PTPRN2: variants seen among roughly 807,000 people sequenced by gnomAD.
PTPRN2 encodes the protein receptor-type tyrosine-protein phosphatase N2.
Under a neutral mutation model 118.8 loss-of-function variants are expected in PTPRN2, and 74 were observed. The observed-to-expected ratio is 0.62, with a 90% confidence interval of 0.52 to 0.76. The LOEUF (loss-of-function observed/expected upper bound fraction) is 0.76, where lower values mean the gene tolerates loss of function less well. Ranked by LOEUF, PTPRN2 falls within the 30% of genes least tolerant of loss-of-function variation. PTPRN2 has a pLI of 0.00. For missense variants in PTPRN2, 1,481 were observed against 1,394.4 expected (o/e 1.06, Z -0.99); for synonymous variants, 641 against 608.0 (o/e 1.05, Z -0.80).
At chr7:158,180,427 C>G (rs1824601046) in intron 5 of PTPRN2, among the ~76,000 whole-genome samples, 1 of 152,040 alleles carries the variant, frequency 6.6e-6, no homozygotes, top group Admixed American at 6.6e-5. Context: ...CAGATCTGTT[C>G]TTTTTGTTTA....
At chr7:158,024,545 T>A (rs1807127643) in intron 11 of PTPRN2, among the ~76,000 whole-genome samples, 1 of 152,226 alleles carries the variant, frequency 6.6e-6, no homozygotes, top group African/African-American at 2.4e-5. Context: ...GGACACTCGC[T>A]GCCCACGTCC....
At chr7:158,249,867 C>T (rs770946746) in intron 3 of PTPRN2, among the ~76,000 whole-genome samples, 10 of 152,218 alleles carry the variant, frequency 6.6e-5, no homozygotes, top group Admixed American at 2.6e-4. Context: ...CAAGACGCCA[C>T]GTCCCTCCCC....
chr7:158,418,366 G>A (rs1394395740), intron 2 of PTPRN2, among the ~76,000 whole-genome samples: 6 of 147,112 alleles, frequency 4.1e-5, no homozygotes, highest in East Asian at 2.1e-4. Context: ...GTTAAGTCAT[G>A]GTGAACTACA....
intron 2 of PTPRN2, among the ~76,000 whole-genome samples, chr7:158,409,316 G>A (rs1334134121): frequency 2.6e-5 from 4 of 152,254 alleles, no homozygotes; most frequent in African/African-American, 7.2e-5. Flanking sequence ...ATGGGGAGAT[G>A]TGTGCAGGAG....
rs556546951 is a variant in PTPRN2 at position 158,080,314 on chromosome 7, C to CAA, written c.1723+982_1723+983dup. Reference sequence around the variant, plus strand: ...TGGGAAAAAAAGACACAAATTTAAGCAAAAAAAAAAAAAAAAAAAAAAAAA... The same window carrying CAA: ...TGGGAAAAAAAGACACAAATTTAAGCAAAAAAAAAAAAAAAAAAAAAAAAAAA... On this transcript the variant is annotated intron_variant, in intron 11 of 22. Coordinates refer to ENST00000389418, the MANE Select transcript of PTPRN2 (RefSeq NM_002847.5). Among the ~76,000 whole-genome samples, 328 of 72,178 alleles carry CAA rather than the reference C, an allele frequency of 4.5e-3. 13 individuals carry two copies. Among genetic ancestry groups the CAA allele is most frequent in the African/African-American group, 7.2e-3 (116 of 16,166 alleles). 47.4% of individuals were successfully genotyped at this position (72,178 alleles called of 152,430 possible).
intron 11 of PTPRN2, among the ~76,000 whole-genome samples, chr7:158,046,937 A>C (rs1434490423): frequency 6.6e-6 from 1 of 152,164 alleles, no homozygotes; most frequent in Non-Finnish European, 1.5e-5. Context: ...GCTTATTTTT[A>C]ATTTAACCTT....
chr7:158,431,841 G>A (rs1013944320), intron 2 of PTPRN2, among the ~76,000 whole-genome samples: 8 of 152,214 alleles, frequency 5.3e-5, no homozygotes, highest in African/African-American at 1.7e-4. Context: ...CCACCCACCC[G>A]AGGGACAGGC....
At chr7:158,184,669 G>A (rs7780761) in intron 5 of PTPRN2, among the ~76,000 whole-genome samples, 5,215 of 152,166 alleles carry the variant, frequency 0.034, 118 homozygotes, top group Admixed American at 0.054. Context: ...AAAATTAGCC[G>A]GGCATGGTGG....
intron 12 of PTPRN2, among the ~76,000 whole-genome samples, chr7:157,691,130 C>T (rs1797477277): frequency 6.7e-6 from 1 of 149,704 alleles, no homozygotes; most frequent in Non-Finnish European, 1.5e-5. Context: ...CTCCAAACAC[C>T]CTCTCCCGCC....
At chr7:158,448,783 C>A (rs1817901024) in intron 2 of PTPRN2, among the ~76,000 whole-genome samples, 1 of 152,228 alleles carries the variant, frequency 6.6e-6, no homozygotes, top group African/African-American at 2.4e-5. Flanking sequence ...CCACTCCAGT[C>A]CAGCCACTAG....
intron 9 of PTPRN2, among the ~76,000 whole-genome samples, chr7:158,133,064 A>C (rs532851737): frequency 3.3e-5 from 5 of 152,356 alleles, no homozygotes; most frequent in Admixed American, 3.3e-4. Flanking sequence ...TGATGTCTGA[A>C]TTCTGAGACT....
At position 158,043,865 on chromosome 7, in the gene PTPRN2, G is replaced by T. The variant is rs144658673; in HGVS notation, c.1723+37433C>A. 2.6e-3 allele frequency among the ~76,000 whole-genome samples: 395 copies of T among 152,314 alleles called. 1 individual carries two copies. Among genetic ancestry groups the T allele is most frequent in the African/African-American group, 8.5e-3 (354 of 41,562 alleles). On this transcript the variant is annotated intron_variant, in intron 11 of 22. Coordinates refer to ENST00000389418, the MANE Select transcript of PTPRN2 (RefSeq NM_002847.5). ...GCGCACAGACCATCCTGCACAGTTG[G>T]CTCAGCATTTAGCAATTACATAAAA...
rs1457714211 is a variant in PTPRN2 at position 158,273,471 on chromosome 7, C to CACA, written c.277+43347_277+43348insTGT. On this transcript the variant is annotated intron_variant, in intron 3 of 22. Transcript: ENST00000389418. ...GAGGAGCCGCAGACGCAGGGGGAGC[C>CACA]GCAGGCACAGGGGGAGCCGCAGGCA... Among the ~76,000 whole-genome samples the CACA allele has an allele frequency of 1.7e-3, 221 of 129,684 alleles. 61 individuals are homozygous for CACA. Among genetic ancestry groups the CACA allele is most frequent in the African/African-American group, 3.8e-3 (93 of 24,404 alleles). The allele number at this position is 129,684 out of a possible 152,430, so 85.1% of individuals were successfully genotyped here. A position where few individuals can be genotyped will look rare whatever the true frequency, so the allele number is the denominator to read the frequency against.
rs146022638 is a variant in PTPRN2 at position 157,665,380 on chromosome 7, A to G, written c.2002-8829T>C. On this transcript the variant is annotated intron_variant, in intron 13 of 22. Transcript: ENST00000389418. ...ATAACCAACAGGTAATTAAATATGA[A>G]TGAAGAAGAAAGGTAGATGTAACCA... Among the ~76,000 whole-genome samples the G allele has an allele frequency of 4.9e-3, 752 of 152,346 alleles. 11 individuals are homozygous for G. Among genetic ancestry groups the G allele is most frequent in the African/African-American group, 0.017 (723 of 41,580 alleles).
chr7:157,986,190 T>C lies in PTPRN2; in HGVS notation c.1724-87453A>G, dbSNP rs1000025211. ...GCTCTCGTATGTCCGGGGGAAGCTA[T>C]GGAGAGGGTGCTGCAAAGCTGCCAG... On this transcript the variant is annotated intron_variant, in intron 11 of 22. Coordinates refer to ENST00000389418, the MANE Select transcript of PTPRN2 (RefSeq NM_002847.5). This position sits in a 1 kb window ranked among gnomAD's most constrained non-coding sequence, Gnocchi z 4.5. Among the ~76,000 whole-genome samples, 4 of 152,094 alleles carry C rather than the reference T, an allele frequency of 2.6e-5. No homozygotes were observed. Among genetic ancestry groups the C allele is most frequent in the Non-Finnish European group, 4.4e-5 (3 of 68,024 alleles).
At chr7:158,144,473 A>T (rs1398941253) in intron 6 of PTPRN2, among the ~76,000 whole-genome samples, 2 of 152,206 alleles carry the variant, frequency 1.3e-5, no homozygotes, top group Admixed American at 6.5e-5. Flanking sequence ...CTCCATCTCT[A>T]CTAAAAATAC....
chr7:157,633,990 C>T (rs1326396566), intron 14 of PTPRN2, among the ~76,000 whole-genome samples: 1 of 152,174 alleles, frequency 6.6e-6, no homozygotes, highest in Non-Finnish European at 1.5e-5. Context: ...CATGGAAGAG[C>T]AGGCAGTGGC....
chr7:157,869,070 T>A lies in PTPRN2; in HGVS notation c.1788+29603A>T, dbSNP rs2151255959. The stretch of plus-strand genomic sequence containing the variant: ...ATTCCAAATCTGTAAGTACTAAGTT[T>A]TAAAATGCGTGTGAGCAAGTCAAAT... On this transcript the variant is annotated intron_variant, in intron 12 of 22. Coordinates refer to ENST00000389418, the MANE Select transcript of PTPRN2 (RefSeq NM_002847.5). The surrounding 1 kb of genome is among the most constrained non-coding windows in gnomAD (Gnocchi z 4.2). 6.6e-6 allele frequency: 1 copy of A among 152,338 alleles called. No individual in the cohort carries two copies. The highest frequency in any genetic ancestry group is 1.5e-5 in the Non-Finnish European group (1 of 68,028). 9.4% of individuals were successfully genotyped at this position (152,338 alleles called of 1,614,324 possible).
chr7:157,963,630 G>A (rs977458906), intron 11 of PTPRN2, among the ~76,000 whole-genome samples: 2 of 152,208 alleles, frequency 1.3e-5, no homozygotes, highest in Non-Finnish European at 2.9e-5. Flanking sequence ...AGTGGAAACA[G>A]GCCACAGTTC....
Sources: gnomAD v4.1 joint callset for allele counts (sites outside exome capture counted in the v4.1 genomes callset) on GRCh38, gnomAD v4.1.1 for gene constraint, Gnocchi (gnomAD v3.1) non-coding constraint, MANE v1.5 for transcripts, NCBI Gene and HGNC (gene_info 2026-07-23, HGNC 2026-07-21) for gene names.